Variants in ATXN7L1 observed in about 807,000 individuals in gnomAD.
The protein encoded by ATXN7L1 is ataxin 7 like 1.
In ATXN7L1, 15 loss-of-function variants were observed where a neutral mutation model predicts 70.8. That is an observed-to-expected ratio of 0.21 (90% CI 0.14 to 0.33). ATXN7L1 has a LOEUF of 0.33. Ranked by LOEUF, ATXN7L1 falls within the 10% of genes least tolerant of loss-of-function variation. ATXN7L1 has a pLI of 1.00. For missense variants in ATXN7L1, 975 were observed against 1,097.1 expected, an observed-to-expected ratio of 0.89 and a Z score of 1.57; for synonymous variants, 440 against 445.1, an observed-to-expected ratio of 0.99 and a Z score of 0.14.
At chr7:105,670,664 A>G (rs1404767861) in intron 3 of ATXN7L1, among the ~76,000 whole-genome samples, 1 of 151,572 alleles carries the variant, frequency 6.6e-6, no homozygotes, top group African/African-American at 2.4e-5. Context: ...TTATCTTTAA[A>G]AAAAAAAAAA....
In ATXN7L1 at chr7:105,788,746, C is replaced by T. The variant is rs764767828; in HGVS notation, c.251-38G>A. 8 of 1,503,434 alleles carry T rather than the reference C, an allele frequency of 5.3e-6. 1 individual carries two copies. Among genetic ancestry groups the T allele is most frequent in the Non-Finnish European group, 7.4e-6 (8 of 1,080,568 alleles). 93.1% of individuals were successfully genotyped at this position (1,503,434 alleles called of 1,614,324 possible). On this transcript the variant is annotated intron_variant, in intron 2 of 11. Coordinates refer to ENST00000419735, the MANE Select transcript of ATXN7L1 (RefSeq NM_020725.2). ...TGAAAACAAGTGTGTTTTGAAAAAG[C>T]AATTAAGTCTCAGAAGGTGTACAGT...
rs1482940398 is a variant in ATXN7L1, at chr7:105,733,567, C to CA, written c.355+55036_355+55037insT. Among the ~76,000 whole-genome samples, 65 of 49,218 alleles carry CA rather than the reference C, an allele frequency of 1.3e-3. 9 individuals are homozygous for CA. The highest frequency in any genetic ancestry group is 2.1e-3 in the Non-Finnish European group (48 of 22,944). The allele number at this position is 49,218 out of a possible 152,430, so 32.3% of individuals were successfully genotyped here. Reference sequence around the variant, plus strand: ...CCATCCATCCATCCACCCATCCATCCTTCCATCCATCCACCCATCCATCCA... The same window carrying CA: ...CCATCCATCCATCCACCCATCCATCCATTCCATCCATCCACCCATCCATCCA... On this transcript the variant is annotated intron_variant, in intron 3 of 11. Transcript: ENST00000419735.
At chr7:105,720,565 T>A (rs1436259776) in intron 3 of ATXN7L1, among the ~76,000 whole-genome samples, 2 of 152,138 alleles carry the variant, frequency 1.3e-5, no homozygotes, top group Non-Finnish European at 2.9e-5. Flanking sequence ...ACTACAGGCA[T>A]GTGCCACCAT....
At chr7:105,829,412 A>G (rs1811300138) in intron 2 of ATXN7L1, among the ~76,000 whole-genome samples, 1 of 152,144 alleles carries the variant, frequency 6.6e-6, no homozygotes, top group Admixed American at 6.5e-5. Flanking sequence ...CATTGCACTC[A>G]TTGCACTCCA....
intron 4 of ATXN7L1, among the ~76,000 whole-genome samples, chr7:105,655,245 C>T (rs1800434571): frequency 6.6e-6 from 1 of 152,224 alleles, no homozygotes; most frequent in East Asian, 1.9e-4. Flanking sequence ...CACGGCCTCC[C>T]TGTCCTGGAA....
In ATXN7L1 at chr7:105,614,431, G is replaced by A. The variant is rs576321846; in HGVS notation, c.1903C>T (p.Arg635Cys). 1.9e-5 allele frequency: 30 copies of A among 1,549,290 alleles called. No homozygotes were observed. The highest frequency in any genetic ancestry group is 2.4e-5 in the East Asian group (1 of 40,892). ...KSSKVKDLST[R>C]SDESPSNKKR... The stretch of plus-strand genomic sequence containing the variant: ...TTGTTACTTGGAGACTCGTCGCTAC[G>A]GGTGGACAGGTCTTTGACTTTTGAG... Residue 635 changes from arginine to cysteine, a missense_variant, in exon 10 of 12, where the codon CGT becomes TGT. This residue lies in a region of ATXN7L1 where 635 missense variants were observed against 699.4 expected (regional missense o/e 0.91). Coordinates refer to ENST00000419735, the MANE Select transcript of ATXN7L1 (RefSeq NM_020725.2). The surrounding 1 kb of genome is among the most constrained non-coding windows in gnomAD (Gnocchi z 4.3).
chr7:105,707,016 G>C (rs781684039), intron 3 of ATXN7L1, among the ~76,000 whole-genome samples: 8 of 152,150 alleles, frequency 5.3e-5, no homozygotes, highest in Non-Finnish European at 1.5e-5. Context: ...ATTCTCCGTT[G>C]GGTGGAATTG....
intron 7 of ATXN7L1, among the ~76,000 whole-genome samples, chr7:105,636,453 C>T (rs1429133467): frequency 6.6e-6 from 1 of 150,806 alleles, no homozygotes; most frequent in Non-Finnish European, 1.5e-5. Flanking sequence ...CTCTGCCCCC[C>T]CCACCCCCAC....
At chr7:105,779,073 T>C (rs1803174522) in intron 3 of ATXN7L1, among the ~76,000 whole-genome samples, 1 of 152,226 alleles carries the variant, frequency 6.6e-6, no homozygotes, top group African/African-American at 2.4e-5. Flanking sequence ...AGTTTAGTTA[T>C]GGTATTGCAG....
chr7:105,655,436 G>T (rs185088111), intron 4 of ATXN7L1, among the ~76,000 whole-genome samples: 6 of 152,186 alleles, frequency 3.9e-5, no homozygotes, highest in African/African-American at 1.4e-4. Flanking sequence ...CATCACTCTG[G>T]GGGGGTGTGT....
chr7:105,652,768 C>CT (rs1053805732), intron 4 of ATXN7L1, among the ~76,000 whole-genome samples: 3 of 152,220 alleles, frequency 2.0e-5, no homozygotes, highest in African/African-American at 7.2e-5. Flanking sequence ...CTTCAAGAAG[C>CT]TTTTTCTGAG....
chr7:105,672,297 A>G (rs570064028), intron 3 of ATXN7L1, among the ~76,000 whole-genome samples: 1 of 151,988 alleles, frequency 6.6e-6, no homozygotes, highest in South Asian at 2.1e-4. Context: ...TGCCCCCCCC[A>G]AAAAAGAGAG....
intron 2 of ATXN7L1, among the ~76,000 whole-genome samples, chr7:105,811,494 G>T (rs1808429339): frequency 6.7e-6 from 1 of 148,806 alleles, no homozygotes; most frequent in African/African-American, 2.5e-5. Context: ...AACTATTACA[G>T]GGGGTAAGCT....
intron 2 of ATXN7L1, among the ~76,000 whole-genome samples, chr7:105,818,951 GTA>G (rs1404096246): frequency 6.6e-6 from 1 of 151,106 alleles, no homozygotes; most frequent in Non-Finnish European, 1.5e-5. Context: ...TTTGATATAG[GTA>G]TACATGTGCC....
intron 2 of ATXN7L1, among the ~76,000 whole-genome samples, chr7:105,872,654 G>C (rs762404841): frequency 3.9e-5 from 6 of 152,046 alleles, no homozygotes; most frequent in Non-Finnish European, 5.9e-5. Flanking sequence ...TGGTTACCAG[G>C]GCTGAGAGGA....
At chr7:105,823,844 T>C (rs1476742159) in intron 2 of ATXN7L1, among the ~76,000 whole-genome samples, 1 of 152,174 alleles carries the variant, frequency 6.6e-6, no homozygotes, top group Non-Finnish European at 1.5e-5. Flanking sequence ...AAAGTGAGTA[T>C]ATCCGCCTGG....
intron 3 of ATXN7L1, among the ~76,000 whole-genome samples, chr7:105,704,016 G>A (rs1487503211): frequency 2.8e-5 from 4 of 144,802 alleles, no homozygotes; most frequent in Non-Finnish European, 4.5e-5. Flanking sequence ...AAGGTTGTGC[G>A]GGAGAAGCTG....
intron 3 of ATXN7L1, among the ~76,000 whole-genome samples, chr7:105,774,492 C>T (rs1482703915): frequency 6.6e-6 from 1 of 151,784 alleles, no homozygotes; most frequent in Non-Finnish European, 1.5e-5. Context: ...GCTGAGATAA[C>T]AGATGTGTGC....
intron 3 of ATXN7L1, among the ~76,000 whole-genome samples, chr7:105,673,234 T>G (rs1366976175): frequency 6.6e-6 from 1 of 152,252 alleles, no homozygotes; most frequent in Non-Finnish European, 1.5e-5. Flanking sequence ...TGGAGATATT[T>G]TCATACTTGC....
Sources: allele counts gnomAD v4.1 joint callset (sites outside exome capture counted in the v4.1 genomes callset), GRCh38; gene constraint gnomAD v4.1.1; regional missense constraint gnomAD v4.1.1; non-coding constraint Gnocchi (gnomAD v3.1); transcripts MANE v1.5; gene names NCBI Gene and HGNC (gene_info 2026-07-23, HGNC 2026-07-21).